The following PKHD1 variants were observed in gnomAD, a reference collection of about 807,000 sequenced individuals.
PKHD1 encodes the protein fibrocystin.
In PKHD1, 291 loss-of-function variants were observed where a neutral mutation model predicts 412.0. The ratio of observed to expected loss-of-function variants is 0.71; its 90% CI spans 0.64 to 0.78. The LOEUF (loss-of-function observed/expected upper bound fraction) is 0.78. Among genes scored for constraint, PKHD1 ranks in the 30% least tolerant of loss-of-function variants. The pLI is 0.00. For missense variants in PKHD1, 4,825 were observed against 4,950.7 expected (o/e 0.97, Z 0.76); for synonymous variants, 1,777 against 1,821.5 (o/e 0.98, Z 0.62).
In PKHD1 at chr6:51,748,284, C is replaced by A; in HGVS notation, c.9332G>T (p.Cys3111Phe). 6.2e-7 allele frequency: 1 copy of A among 1,614,062 alleles called. No homozygotes were observed. Among genetic ancestry groups the A allele is most frequent in the Non-Finnish European group, 8.5e-7 (1 of 1,179,978 alleles). Residue 3111 changes from cysteine (C) to phenylalanine (F), a missense_variant, in exon 58 of 67, where the codon TGC becomes TTC. Cys to Phe is a radical substitution (Grantham distance 205). Transcript: ENST00000371117. ...AGACCAAAGCAGTTCACAAGAGGAG[C>A]ACTTGTGGCCTCGGATGTGAAAGCC... ...RLGFHIRGHK[C>F]SSCELLWSDN...
Position 51,616,696 on chromosome 6 carries a change from T to A in PKHD1, c.*2385A>T. On this transcript the variant is annotated 3_prime_UTR_variant, in exon 67 of 67. Transcript: ENST00000371117. ...ATTCTGGCCTCAGGGATCACAGGCTTTTCTGGGATGGAATTAGTAAGATAA... is the reference window on the plus strand; with the variant it reads ...ATTCTGGCCTCAGGGATCACAGGCTATTCTGGGATGGAATTAGTAAGATAA... 1 of 398,474 alleles carries A rather than the reference T, an allele frequency of 2.5e-6. No homozygotes were observed. Among genetic ancestry groups the A allele is most frequent in the Non-Finnish European group, 4.4e-6 (1 of 225,966 alleles). 24.7% of individuals were successfully genotyped at this position (398,474 alleles called of 1,614,324 possible).
chr6:52,038,429 C>A (rs1413227262), intron 27 of PKHD1, among the ~76,000 whole-genome samples: 1 of 150,572 alleles, frequency 6.6e-6, no homozygotes, highest in African/African-American at 2.4e-5. Context: ...TGGACACAAG[C>A]AAGACACAGG....
chr6:51,806,453 G>T (rs1255784339), intron 52 of PKHD1, among the ~76,000 whole-genome samples: 2 of 152,136 alleles, frequency 1.3e-5, no homozygotes, highest in Non-Finnish European at 2.9e-5. Flanking sequence ...GCAATGGCAG[G>T]CTTGGTAGGG....
chr6:52,007,163 T>C (rs1158625900), intron 35 of PKHD1, among the ~76,000 whole-genome samples: 3 of 152,224 alleles, frequency 2.0e-5, no homozygotes, highest in African/African-American at 7.2e-5. Context: ...CGTGTGCAAG[T>C]ATCTTTTTTG....
chr6:51,664,022 G>A (rs1479373888), intron 60 of PKHD1, among the ~76,000 whole-genome samples: 1 of 152,072 alleles, frequency 6.6e-6, no homozygotes, highest in Non-Finnish European at 1.5e-5. Flanking sequence ...CATTCCTTAT[G>A]ACAGGTAACT....
chr6:51,628,943 C>T (rs1197399713), intron 65 of PKHD1, among the ~76,000 whole-genome samples: 2 of 152,008 alleles, frequency 1.3e-5, no homozygotes, highest in African/African-American at 4.8e-5. Flanking sequence ...TCAACAAAGC[C>T]AACAATAACA....
At chr6:51,978,468 C>G (rs898829657) in intron 35 of PKHD1, among the ~76,000 whole-genome samples, 1 of 152,096 alleles carries the variant, frequency 6.6e-6, no homozygotes, top group African/African-American at 2.4e-5. Flanking sequence ...ACAGGAAACA[C>G]CCAATGTCAC....
chr6:51,851,834 T>C (rs1049820067), intron 49 of PKHD1, among the ~76,000 whole-genome samples: 2 of 152,194 alleles, frequency 1.3e-5, no homozygotes, highest in African/African-American at 4.8e-5. Flanking sequence ...ATCTATTTTG[T>C]TAATTTTTTC....
In PKHD1 at chr6:52,033,030, C is replaced by T. The variant is rs1803308145; in HGVS notation, c.3364G>A (p.Gly1122Ser). Residue 1122 changes from glycine to serine, a missense_variant and splice_region_variant, in exon 29 of 67, where the codon GGC (glycine) becomes AGC (serine). Transcript: ENST00000371117. Reference protein sequence around the residue: ...TLSRNISNIAGGETLVIGVAR... With the variant: ...TLSRNISNIASGETLVIGVAR... ...GATCTTGCAGTATCACATATTTTAC[C>T]TGCTATATTGCTTATGTTTCTGCTC... The T allele has an allele frequency of 1.9e-6, 3 of 1,611,506 alleles. No homozygotes were observed. The highest frequency in any genetic ancestry group is 2.5e-6 in the Non-Finnish European group (3 of 1,177,864).
chr6:52,043,635 C>T lies in PKHD1; in HGVS notation c.2811G>A (p.Trp937Ter), dbSNP rs1344820986. The T allele has an allele frequency of 1.9e-6, 3 of 1,609,148 alleles. No individual in the cohort carries two copies. Among genetic ancestry groups the T allele is most frequent in the Non-Finnish European group, 2.6e-6 (3 of 1,175,768 alleles). ...QGSTPCVHSVWYSIDGDINLM... is the reference protein window; with the variant it reads ...QGSTPCVHSV Reference sequence around the variant, plus strand: ...AGTGACAAATCATACCAATGGAGTACCACACAGAATGGACACAGGGAGTTG... The same window carrying T: ...AGTGACAAATCATACCAATGGAGTATCACACAGAATGGACACAGGGAGTTG... The change falls in exon 26 of 67, where the codon TGG (tryptophan) becomes TGA (stop). Residue 937 changes from tryptophan (W) to a stop codon, truncating the protein, a stop_gained. Coordinates refer to ENST00000371117, the MANE Select transcript of PKHD1 (RefSeq NM_138694.4). LOFTEE classifies it high-confidence loss of function.
intron 48 of PKHD1, among the ~76,000 whole-genome samples, chr6:51,859,332 C>T (rs1773809824): frequency 6.6e-6 from 1 of 151,948 alleles, no homozygotes; most frequent in Non-Finnish European, 1.5e-5. Context: ...CGAGACCATC[C>T]TGGCTAACAC....
At chr6:51,853,340 G>C (rs991988579) in intron 49 of PKHD1, among the ~76,000 whole-genome samples, 8 of 152,130 alleles carry the variant, frequency 5.3e-5, no homozygotes, top group African/African-American at 1.9e-4. Context: ...GCCTTTAACA[G>C]TTTTTCCTTC....
At chr6:51,814,503 C>G (rs9370064) in intron 52 of PKHD1, among the ~76,000 whole-genome samples, 140,738 of 152,292 alleles carry the variant, frequency 0.92, 66,084 homozygotes, top group East Asian at 1. Flanking sequence ...CCTCTGAAAC[C>G]ATTTCACAGC....
At chr6:51,709,975 G>A (rs868525644) in intron 60 of PKHD1, among the ~76,000 whole-genome samples, 35 of 151,970 alleles carry the variant, frequency 2.3e-4, no homozygotes, top group African/African-American at 7.5e-4. Flanking sequence ...TTGGGAGGCC[G>A]AGGAGGGCGG....
intron 21 of PKHD1, 38 bp downstream of exon 21, chr6:52,053,038 G>C: frequency 6.2e-7 from 1 of 1,601,658 alleles, no homozygotes; most frequent in Non-Finnish European, 8.6e-7. Flanking sequence ...AGGTAGGCAT[G>C]TGACCGGCTT....
chr6:51,847,782 G>A lies in PKHD1; in HGVS notation c.8100C>T (p.Thr2700=), dbSNP rs745846044. 9 of 1,609,066 alleles carry A rather than the reference G, an allele frequency of 5.6e-6. No individual in the cohort carries two copies. Among genetic ancestry groups the A allele is most frequent in the Non-Finnish European group, 7.7e-6 (9 of 1,175,426 alleles). The change falls in exon 50 of 67, where the codon ACC becomes ACT. Residue 2700 remains threonine (T), a synonymous_variant. Transcript: ENST00000371117. ...WFFNSQLRQL[T]YLVSGEGQVQ... Reference sequence around the variant, plus strand: ...ATCCAATTGGATACTTACCCAGATAGGTGAGTTGCCTCAGCTGGCTATTGA... The same window carrying A: ...ATCCAATTGGATACTTACCCAGATAAGTGAGTTGCCTCAGCTGGCTATTGA...
At chr6:51,944,301 G>A (rs376122070) in intron 36 of PKHD1, among the ~76,000 whole-genome samples, 10 of 147,680 alleles carry the variant, frequency 6.8e-5, no homozygotes, top group South Asian at 2.2e-4. Flanking sequence ...CTTATAAAAC[G>A]GCCCCGCCCC....
rs149841071 is a variant in PKHD1 at position 52,079,956 on chromosome 6, C to T, written c.334G>A (p.Gly112Arg). ...EGLYFLEAYF[G>R]GQLVSSPNPG... ...TTTGGACTGCTTACCAGCTGTCCCC[C>T]GAAGTATGCTTCCAGGAAGTACAGA... The change falls in exon 5 of 67, where the codon GGG (glycine) becomes AGG (arginine). Residue 112 changes from glycine to arginine, a missense_variant. By Grantham distance (125) the Gly-to-Arg change is moderately radical. Transcript: ENST00000371117. 1,083 of 1,612,380 alleles carry T rather than the reference C, an allele frequency of 6.7e-4. 1 individual carries two copies. Among genetic ancestry groups the T allele is most frequent in the Non-Finnish European group, 8.7e-4 (1,021 of 1,178,590 alleles).
chr6:51,960,034 A>T lies in PKHD1; in HGVS notation c.5752-8T>A. ...CTGTAAAGAAAAGTTGCCCTGGAAA[A>T]CAGAGAGCTGGGTTGGTGGGTTGGT... is the stretch of plus-strand genomic sequence containing the variant. On this transcript the variant is annotated splice_polypyrimidine_tract_variant and splice_region_variant and intron_variant, in intron 35 of 66. Transcript: ENST00000371117. 1 of 1,613,104 alleles carries T rather than the reference A, an allele frequency of 6.2e-7. No homozygotes were observed. The highest frequency in any genetic ancestry group is 8.5e-7 in the Non-Finnish European group (1 of 1,179,394).
Sources: gnomAD v4.1 joint callset for allele counts (sites outside exome capture counted in the v4.1 genomes callset) on GRCh38, gnomAD v4.1.1 for gene constraint, MANE v1.5 for transcripts, NCBI Gene and HGNC (gene_info 2026-07-23, HGNC 2026-07-21) for gene names.